Variants in TASL observed in about 807,000 individuals in gnomAD.
TASL encodes TLR adapter interacting with SLC15A4 on the lysosome.
TASL carries 6 observed loss-of-function variants against 12.9 expected under a neutral mutation model. The ratio of observed to expected loss-of-function variants is 0.46; its 90% confidence interval spans 0.25 to 0.92. TASL has a LOEUF of 0.92. Among genes scored for constraint, TASL ranks in the 40% least tolerant of loss-of-function variants. The pLI is 0.17. For synonymous variants in TASL, 85 were observed against 79.3 expected, an observed-to-expected ratio of 1.07 and a Z score of -0.38; for missense variants, 165 against 212.8, an observed-to-expected ratio of 0.78 and a Z score of 1.40.
In TASL at chrX:30,559,392, T is replaced by A; in HGVS notation, c.*58A>T. 1 of 917,311 alleles carries A rather than the reference T, an allele frequency of 1.1e-6. No individual in the cohort carries two copies. The highest frequency in any genetic ancestry group is 1.5e-6 in the Non-Finnish European group (1 of 658,378). The allele number at this position is 917,311 out of a possible 1,213,427, so 75.6% of individuals were successfully genotyped here. ...CCCTCCTGCACATTCTCAGAATAAATGGATAAAGTGTTGCTTCATGTTTAA... is the reference window on the plus strand; with the variant it reads ...CCCTCCTGCACATTCTCAGAATAAAAGGATAAAGTGTTGCTTCATGTTTAA... On this transcript the variant is annotated 3_prime_UTR_variant, in exon 3 of 3. Transcript: ENST00000378962.
intron 2 of TASL, among the ~76,000 whole-genome samples, chrX:30,574,005 T>A (rs1469774719): frequency 3.6e-5 from 4 of 111,961 alleles, no homozygotes; most frequent in Non-Finnish European, 5.6e-5. Context: ...ACCTCAGGGA[T>A]AAAGTCCATA....
chrX:30,571,234 AG>A (rs1930591095), intron 2 of TASL, among the ~76,000 whole-genome samples: 1 of 83,445 alleles, frequency 1.2e-5, no homozygotes, highest in East Asian at 4.4e-4. Context: ...GAAGGAAGGA[AG>A]GAAGGAAAAA....
chrX:30,562,849 T>C (rs1930445563), intron 2 of TASL, among the ~76,000 whole-genome samples: 1 of 107,453 alleles, frequency 9.3e-6, no homozygotes, highest in African/African-American at 3.4e-5. Flanking sequence ...TTTTTTTCCT[T>C]TCCAAACTTC....
chrX:30,560,488 T>G (rs1476275546), intron 2 of TASL, 132 bp from the exon 3 acceptor site: 2 of 470,939 alleles, frequency 4.2e-6, no homozygotes, highest in African/African-American at 4.9e-5. Flanking sequence ...GTACTAATTC[T>G]GTGCCTACTG....
chrX:30,567,640 T>C (rs903568608), intron 2 of TASL, among the ~76,000 whole-genome samples: 6 of 111,361 alleles, frequency 5.4e-5, no homozygotes, highest in African/African-American at 2.0e-4. Flanking sequence ...GGGGACAAAG[T>C]TGTATATGCT....
chrX:30,561,023 A>C (rs1408882577), intron 2 of TASL, among the ~76,000 whole-genome samples: 1 of 111,857 alleles, frequency 8.9e-6, no homozygotes, highest in East Asian at 2.8e-4. Context: ...TTCTACTGAA[A>C]ACAAGTGCTG....
chrX:30,568,576 C>T (rs1930536495), intron 2 of TASL, among the ~76,000 whole-genome samples: 1 of 110,914 alleles, frequency 9.0e-6, no homozygotes, highest in East Asian at 2.8e-4. Flanking sequence ...TGAAATGTCC[C>T]AGTTTGCCGA....
At chrX:30,565,528 C>T (rs1198591632) in intron 2 of TASL, among the ~76,000 whole-genome samples, 1 of 111,661 alleles carries the variant, frequency 9.0e-6, no homozygotes, top group East Asian at 2.8e-4. Context: ...TCCAACAGAG[C>T]TTCCTGGGAT....
chrX:30,572,736 C>T (rs1930646184), intron 2 of TASL, among the ~76,000 whole-genome samples: 1 of 112,159 alleles, frequency 8.9e-6, no homozygotes, highest in African/African-American at 3.2e-5. Context: ...GATCAGCAAA[C>T]TTTTTTTATA....
chrX:30,562,320 GAT>G (rs1930437286), intron 2 of TASL, among the ~76,000 whole-genome samples: 1 of 111,865 alleles, frequency 8.9e-6, no homozygotes, highest in Non-Finnish European at 1.9e-5. Context: ...TCTCCAGAGA[GAT>G]TTGGGAGCCA....
At chrX:30,568,953 G>T (rs1471975208) in intron 2 of TASL, among the ~76,000 whole-genome samples, 1 of 94,028 alleles carries the variant, frequency 1.1e-5, no homozygotes, top group Non-Finnish European at 2.1e-5. Flanking sequence ...AGTGTCTAGG[G>T]ATAGACACGT....
intron 2 of TASL, among the ~76,000 whole-genome samples, chrX:30,574,233 T>C (rs1196536876): frequency 8.9e-6 from 1 of 111,767 alleles, no homozygotes; most frequent in Admixed American, 9.6e-5. Context: ...AAGTCTCACC[T>C]CCTATGTTAA....
In TASL at chrX:30,568,448, A is replaced by G. The variant is rs753828116; in HGVS notation, c.-1-8092T>C. On this transcript the variant is annotated intron_variant, in intron 2 of 2. Coordinates refer to ENST00000378962, the MANE Select transcript of TASL (RefSeq NM_025159.3). ...GAAAACATTGCAGACAGAGGAGAGAAGGGCAATAAAAGTGAAGAGGTTTGT... is the reference window on the plus strand; with the variant it reads ...GAAAACATTGCAGACAGAGGAGAGAGGGGCAATAAAAGTGAAGAGGTTTGT... Among the ~76,000 whole-genome samples the G allele has an allele frequency of 2.7e-5, 3 of 111,195 alleles. No individual in the cohort carries two copies. The South Asian group carries it at 1.1e-3, about 42-fold the overall frequency.
chrX:30,560,280 G>T lies in TASL; in HGVS notation c.76C>A (p.Gln26Lys). The T allele has an allele frequency of 8.3e-7, 1 of 1,208,661 alleles. No homozygotes were observed. Among genetic ancestry groups the T allele is most frequent in the Non-Finnish European group, 1.1e-6 (1 of 893,039 alleles). ...IHWSCASYNE[Q>K]VAGEKEEETN... The stretch of plus-strand genomic sequence containing the variant: ...TCCTCTTCCTTTTCCCCAGCCACCT[G>T]CTCATTATAAGAGGCACAACTCCAG... The change falls in exon 3 of 3, where the codon CAG becomes AAG. Residue 26 changes from glutamine (Q) to lysine (K), a missense_variant. Coordinates refer to ENST00000378962, the MANE Select transcript of TASL (RefSeq NM_025159.3).
chrX:30,571,951 G>C (rs1306212810), intron 2 of TASL, among the ~76,000 whole-genome samples: 2 of 110,150 alleles, frequency 1.8e-5, no homozygotes, highest in Non-Finnish European at 3.8e-5. Flanking sequence ...TTTGTCACTT[G>C]AATTCTTGTT....
intron 2 of TASL, among the ~76,000 whole-genome samples, chrX:30,572,642 AAAC>A: frequency 8.9e-6 from 1 of 112,248 alleles, no homozygotes. Context: ...ATTTACATCT[AAAC>A]AACACAAGCG....
intron 2 of TASL, among the ~76,000 whole-genome samples, chrX:30,573,577 C>T (rs56144020): frequency 0.047 from 5,225 of 111,809 alleles, 267 homozygotes; most frequent in African/African-American, 0.16. Context: ...CTGCTATAGC[C>T]TGGCATCGCC....
chrX:30,571,288 AAGAAAG>A lies in TASL; in HGVS notation c.-2+5458_-2+5463del, dbSNP rs1377975981. ...AAAGAAAGAAAGAAAGAAAGAAAGA[AAGAAAG>A]AAAGAAAGAAAGAAAGAAAGAAAGA... On this transcript the variant is annotated intron_variant, in intron 2 of 2. Transcript: ENST00000378962. 6.3e-3 allele frequency among the ~76,000 whole-genome samples: 345 copies of A among 54,780 alleles called. 1 individual carries two copies. The highest frequency in any genetic ancestry group is 0.021 in the African/African-American group (323 of 15,339). The allele number at this position is 54,780 out of a possible 115,157, so 47.6% of individuals were successfully genotyped here.
chrX:30,569,466 G>A (rs1930557614), intron 2 of TASL, among the ~76,000 whole-genome samples: 1 of 111,670 alleles, frequency 9.0e-6, no homozygotes, highest in Admixed American at 9.5e-5. Flanking sequence ...TAGACTGTCT[G>A]GGTGCAAGTG....
Sources: gnomAD v4.1 joint callset for allele counts (sites outside exome capture counted in the v4.1 genomes callset) on GRCh38, gnomAD v4.1.1 for gene constraint, MANE v1.5 for transcripts, NCBI Gene and HGNC (gene_info 2026-07-23, HGNC 2026-07-21) for gene names.